The following PPT1 variants were observed in gnomAD, a reference collection of about 807,000 sequenced individuals.
PPT1 encodes palmitoyl-protein thioesterase 1, also known as ceroid-palmitoyl-palmitoyl-protein thioesterase 1.
PPT1 carries 24 observed loss-of-function variants against 44.0 expected under a neutral mutation model. The ratio of observed to expected loss-of-function variants is 0.54; its 90% CI spans 0.39 to 0.77. The LOEUF is 0.77. PPT1 is among the 30% of genes least tolerant of loss of function. PPT1 has a pLI of 0.00. For missense variants in PPT1, 341 were observed against 378.8 expected (o/e 0.90, Z 0.83); for synonymous variants, 148 against 140.2 (o/e 1.06, Z -0.39).
chr1:40,096,420 CTAATCTGAAAATGGGAAACCCA>C lies in PPT1; in HGVS notation c.124+673_124+694del, dbSNP rs200785468. On this transcript the variant is annotated intron_variant, in intron 1 of 8. Coordinates refer to ENST00000642050, the MANE Select transcript of PPT1 (RefSeq NM_000310.4). The stretch of plus-strand genomic sequence containing the variant: ...GTTAAATGAATATAGGTTGAGCATC[CTAATCTGAAAATGGGAAACCCA>C]AAATCTGAAAGTTTTTCAGCGCAGA... 3.9e-3 allele frequency among the ~76,000 whole-genome samples: 589 copies of C among 152,180 alleles called. 14 individuals carry two copies. The highest frequency in any genetic ancestry group is 0.035 in the East Asian group (184 of 5,184).
At chr1:40,072,270 A>AC, downstream of PPT1, 1 of 356,720 alleles carries the variant, frequency 2.8e-6, no homozygotes, top group Non-Finnish European at 4.9e-6. Flanking sequence ...AAAAAAAAAA[A>AC]ACCCACATGA....
rs185902225 is a variant in PPT1 at position 40,085,006 on chromosome 1, T to A, written c.536+4404A>T. 3.8e-3 allele frequency among the ~76,000 whole-genome samples: 585 copies of A among 152,148 alleles called. 13 individuals are homozygous for A. The highest frequency in any genetic ancestry group is 0.035 in the East Asian group (178 of 5,152). Reference sequence around the variant, plus strand: ...ACTTAGCAGACTGGGAAAGGGAGTCTCCCTTTCCCCGGGGGAGTTTAGAGA... The same window carrying A: ...ACTTAGCAGACTGGGAAAGGGAGTCACCCTTTCCCCGGGGGAGTTTAGAGA... On this transcript the variant is annotated intron_variant, in intron 5 of 8. Coordinates refer to ENST00000642050, the MANE Select transcript of PPT1 (RefSeq NM_000310.4).
intron 5 of PPT1, among the ~76,000 whole-genome samples, chr1:40,084,342 T>C (rs1649141235): frequency 6.6e-6 from 1 of 152,172 alleles, no homozygotes; most frequent in African/African-American, 2.4e-5. Context: ...GAAGATGCTG[T>C]GAACACTGAT....
At chr1:40,083,402 C>T (rs1649082927) in intron 5 of PPT1, among the ~76,000 whole-genome samples, 1 of 152,146 alleles carries the variant, frequency 6.6e-6, no homozygotes, top group African/African-American at 2.4e-5. Context: ...CTGCAGTGAG[C>T]TGTGATCACA....
At chr1:40,096,365 C>T (rs1348471329) in intron 1 of PPT1, among the ~76,000 whole-genome samples, 1 of 152,090 alleles carries the variant, frequency 6.6e-6, no homozygotes, top group Non-Finnish European at 1.5e-5. Context: ...CTACTGTATC[C>T]TCAGCACCTA....
Position 40,074,513 on chromosome 1 carries a change from G to T in PPT1, c.799-330C>A, listed in dbSNP as rs6698184. ...GACGGAGTCTTGCTCGGTTGCTTAG[G>T]CTGGAGTGCAGTGGTGCGATCTCGG... is the stretch of plus-strand genomic sequence containing the variant. On this transcript the variant is annotated intron_variant, in intron 8 of 8. Coordinates refer to ENST00000642050, the MANE Select transcript of PPT1 (RefSeq NM_000310.4). Among the ~76,000 whole-genome samples the T allele has an allele frequency of 0.12, 17,152 of 143,042 alleles. 1,137 individuals carry two copies. The highest frequency in any genetic ancestry group is 0.2 in the South Asian group (935 of 4,594). The allele number at this position is 143,042 out of a possible 152,430, so 93.8% of individuals were successfully genotyped here.
chr1:40,076,971 ATAAT>A, intron 7 of PPT1, 58 bp from the exon 8 acceptor site: 1 of 1,590,464 alleles, frequency 6.3e-7, no homozygotes, highest in African/African-American at 1.3e-5. Flanking sequence ...TACTGCCAAA[ATAAT>A]TTGAGACTGG....
chr1:40,076,784 T>G, intron 8 of PPT1, 58 bp downstream of exon 8: 2 of 1,612,686 alleles, frequency 1.2e-6, no homozygotes, highest in Non-Finnish European at 1.7e-6. Context: ...CATAGCAGCT[T>G]CAGGAACTGG....
intron 1 of PPT1, among the ~76,000 whole-genome samples, chr1:40,095,159 C>CATTTGATGCAGTTGATCATGACCTATT (rs1557715700): frequency 7.2e-5 from 11 of 152,120 alleles, no homozygotes; most frequent in African/African-American, 2.4e-4. Context: ...CATGACCTAT[C>CATTTGATGCAGTTGATCATGACCTATT]AACATTTGAT....
chr1:40,086,809 T>C (rs1333830332), intron 5 of PPT1, among the ~76,000 whole-genome samples: 4 of 151,888 alleles, frequency 2.6e-5, no homozygotes, highest in Admixed American at 1.3e-4. Flanking sequence ...GAAGCAACAA[T>C]GGCACTGGAG....
chr1:40,087,611 C>T (rs918064384), intron 5 of PPT1, among the ~76,000 whole-genome samples: 1 of 151,996 alleles, frequency 6.6e-6, no homozygotes, highest in Non-Finnish European at 1.5e-5. Context: ...TAACAGAATT[C>T]TGATCGCCAA....
chr1:40,092,949 T>C (rs1649649666), intron 1 of PPT1, among the ~76,000 whole-genome samples: 1 of 152,204 alleles, frequency 6.6e-6, no homozygotes, highest in Non-Finnish European at 1.5e-5. Context: ...GCAGCCACTG[T>C]GAAAAACAGT....
chr1:40,076,820 A>C (rs1385765664), intron 8 of PPT1, 22 bp downstream of exon 8: 2 of 1,614,058 alleles, frequency 1.2e-6, no homozygotes, highest in South Asian at 2.2e-5. Context: ...CAACCTCCCA[A>C]GATAGACTCC....
Position 40,091,361 on chromosome 1 carries a change from A to C in PPT1, c.401T>G (p.Ile134Ser). ...VAQRCPSPPM[I>S]NLISVGGQHQ... ...TTGTCCCCCAACCGAGATCAGATTGATCATGGGAGGTGAAGGGCATCTCTG... is the reference window on the plus strand; with the variant it reads ...TTGTCCCCCAACCGAGATCAGATTGCTCATGGGAGGTGAAGGGCATCTCTG... Residue 134 changes from isoleucine (I) to serine (S), a missense_variant, in exon 4 of 9, where the codon ATC becomes AGC. Coordinates refer to ENST00000642050, the MANE Select transcript of PPT1 (RefSeq NM_000310.4). 1.9e-6 allele frequency: 3 copies of C among 1,613,982 alleles called. No homozygotes were observed. The highest frequency in any genetic ancestry group is 2.5e-6 in the Non-Finnish European group (3 of 1,179,928).
At chr1:40,075,996 TA>T (rs1648608269) in intron 8 of PPT1, among the ~76,000 whole-genome samples, 1 of 130,988 alleles carries the variant, frequency 7.6e-6, no homozygotes, top group Non-Finnish European at 1.6e-5. Context: ...AAAAAATCCT[TA>T]AAGTGTAGAA....
Position 40,094,265 on chromosome 1 carries a change from C to T in PPT1, c.125-1758G>A, listed in dbSNP as rs570660424. ...AGACAATTTTTCAAAACTGTTCCAC[C>T]TCAGATCATCAGGCATTTGCTAGAT... On this transcript the variant is annotated intron_variant, in intron 1 of 8. Transcript: ENST00000642050. Among the ~76,000 whole-genome samples the T allele has an allele frequency of 9.2e-5, 14 of 152,300 alleles. No homozygotes were observed. The East Asian group carries it at 2.5e-3, about 27-fold the overall frequency.
chr1:40,071,976 A>T, downstream of PPT1: 1 of 407,502 alleles, frequency 2.5e-6, no homozygotes, highest in African/African-American at 2.0e-5. Flanking sequence ...GGTTCTTCTA[A>T]CCAAACTAAT....
At chr1:40,093,952 G>A (rs929685291) in intron 1 of PPT1, 1 of 715,348 alleles carries the variant, frequency 1.4e-6, no homozygotes, top group African/African-American at 1.8e-5. Flanking sequence ...CAGCGCTTTG[G>A]TAAGACGAGG....
At chr1:40,097,048 G>A (rs1193201519) in intron 1 of PPT1, 67 bp downstream of exon 1, 1 of 1,612,868 alleles carries the variant, frequency 6.2e-7, no homozygotes, top group Non-Finnish European at 8.5e-7. Context: ...CCCGCATTTT[G>A]CAGATGCGAA....
Sources: allele counts gnomAD v4.1 joint callset (sites outside exome capture counted in the v4.1 genomes callset), GRCh38; gene constraint gnomAD v4.1.1; transcripts MANE v1.5; gene names NCBI Gene and HGNC (gene_info 2026-07-23, HGNC 2026-07-21).